The following LOC112694756 variants were observed in gnomAD, a reference collection of about 807,000 sequenced individuals.
the LOC112694756 span, among the ~76,000 whole-genome samples, chr16:30,063,140 C>CAA: frequency 3.8e-5 from 4 of 105,846 alleles, no homozygotes; most frequent in Non-Finnish European, 4.0e-5. Context: ...GACCCTGTCT[C>CAA]AAAAAAAAAA....
chr16:30,067,288 C>T, the LOC112694756 span: 1 of 1,612,700 alleles, frequency 6.2e-7, no homozygotes, highest in Non-Finnish European at 8.5e-7. Flanking sequence ...GACCCCGGAG[C>T]AGAAGAAGGA....
chr16:30,067,309 A>G, the LOC112694756 span: 13 of 1,613,056 alleles, frequency 8.1e-6, no homozygotes, highest in Admixed American at 1.7e-5. Flanking sequence ...GCTGTCTGAC[A>G]TCGCTCACCG....
At chr16:30,054,046 G>T in the LOC112694756 span, among the ~76,000 whole-genome samples, 1 of 151,144 alleles carries the variant, frequency 6.6e-6, no homozygotes. Context: ...TTGACCAGGT[G>T]CGGTGGCTCA....
the LOC112694756 span, among the ~76,000 whole-genome samples, chr16:30,055,536 C>A: frequency 6.6e-6 from 1 of 152,134 alleles, no homozygotes; most frequent in African/African-American, 2.4e-5. Context: ...AATAGGGTGC[C>A]AGCTGGAGAA....
At chr16:30,055,593 G>T in the LOC112694756 span, among the ~76,000 whole-genome samples, 47 of 152,182 alleles carry the variant, frequency 3.1e-4, no homozygotes, top group African/African-American at 1.1e-3. Context: ...ACTTCTAAAT[G>T]AAAGTGAGCT....
At chr16:30,062,873 T>G in the LOC112694756 span, among the ~76,000 whole-genome samples, 1 of 150,248 alleles carries the variant, frequency 6.7e-6, no homozygotes, top group Non-Finnish European at 1.5e-5. Flanking sequence ...CCGGGCACAG[T>G]TGCTCACTCC....
chr16:30,063,825 G>A, the LOC112694756 span: 3 of 399,170 alleles, frequency 7.5e-6, no homozygotes, highest in Non-Finnish European at 1.3e-5. Flanking sequence ...TCTCTGCTTC[G>A]AGATCAAGCT....
chr16:30,059,120 T>C, the LOC112694756 span: 2 of 397,544 alleles, frequency 5.0e-6, no homozygotes, highest in East Asian at 3.6e-5. Flanking sequence ...GGGCTAGAGT[T>C]TGTGAATCTT....
the LOC112694756 span, chr16:30,069,360 T>A: frequency 1.2e-6 from 2 of 1,614,054 alleles, no homozygotes; most frequent in African/African-American, 2.7e-5. Flanking sequence ...GGACCATGAC[T>A]TGAAGCGCTG....
At chr16:30,058,475 C>T in the LOC112694756 span, among the ~76,000 whole-genome samples, 5 of 148,740 alleles carry the variant, frequency 3.4e-5, no homozygotes, top group East Asian at 2.0e-4. Flanking sequence ...TGCTCTGCTT[C>T]TTTTTTTTTT....
At chr16:30,068,286 G>T in the LOC112694756 span, 1 of 351,882 alleles carries the variant, frequency 2.8e-6, no homozygotes, top group Non-Finnish European at 5.6e-6. Flanking sequence ...GGATGGTCTC[G>T]ATCTCCTGAT....
chr16:30,069,704 CA>C, the LOC112694756 span: 4 of 1,612,476 alleles, frequency 2.5e-6, no homozygotes, highest in African/African-American at 5.3e-5. Context: ...GATCTCTATG[CA>C]GTAGATAAGC....
the LOC112694756 span, chr16:30,068,739 A>G: frequency 2.5e-6 from 4 of 1,614,032 alleles, no homozygotes; most frequent in Non-Finnish European, 3.4e-6. Flanking sequence ...GAACCCAACC[A>G]GAGCAGGTTT....
the LOC112694756 span, chr16:30,068,797 G>A: frequency 6.2e-7 from 1 of 1,614,176 alleles, no homozygotes; most frequent in Non-Finnish European, 8.5e-7. Flanking sequence ...ACCGTGCTCT[G>A]ACCCCTTCCT....
At chr16:30,068,286 G>A in the LOC112694756 span, 8 of 351,764 alleles carry the variant, frequency 2.3e-5, no homozygotes, top group Non-Finnish European at 2.8e-5. Context: ...GGATGGTCTC[G>A]ATCTCCTGAT....
At chr16:30,066,864 C>T in the LOC112694756 span, 2 of 1,544,918 alleles carry the variant, frequency 1.3e-6, no homozygotes, top group Non-Finnish European at 1.7e-6. Context: ...CTAAAATACT[C>T]CGGTTCGGTT....
the LOC112694756 span, chr16:30,067,950 CAAATA>C: frequency 4.1e-6 from 2 of 492,974 alleles, no homozygotes; most frequent in East Asian, 7.7e-5. Context: ...TTTCTGTTGT[CAAATA>C]ACATCCCAGT....
chr16:30,066,844 T>A, the LOC112694756 span: 1 of 1,531,356 alleles, frequency 6.5e-7, no homozygotes, highest in Non-Finnish European at 8.8e-7. Flanking sequence ...TGATTCACGA[T>A]CTTTACATTC....
the LOC112694756 span, chr16:30,068,164 A>C: frequency 3.7e-6 from 1 of 272,692 alleles, no homozygotes; most frequent in Non-Finnish European, 7.1e-6. Flanking sequence ...TCCCAGGTTC[A>C]CGCCATTCTC....
Sources: gnomAD v4.1 joint callset for allele counts (sites outside exome capture counted in the v4.1 genomes callset) on GRCh38, gnomAD v4.1.1 for gene constraint, MANE v1.5 for transcripts.